TENM4: variants seen among roughly 807,000 people sequenced by gnomAD.
TENM4 encodes teneurin transmembrane protein 4.
TENM4 carries 82 observed loss-of-function variants against 243.3 expected under a neutral mutation model. That is an observed-to-expected ratio of 0.34 (90% CI 0.28 to 0.40). TENM4 has a LOEUF of 0.40. Among genes scored for constraint, TENM4 ranks in the 10% least tolerant of loss-of-function variants. The pLI is 1.00. For synonymous variants in TENM4, 1,412 were observed against 1,456.3 expected (o/e 0.97, Z 0.69); for missense variants, 3,138 against 3,673.3 (o/e 0.85, Z 3.77).
chr11:79,083,707 C>A (rs72933127), intron 4 of TENM4, among the ~76,000 whole-genome samples: 17,226 of 152,224 alleles, frequency 0.11, 1,082 homozygotes, highest in Middle Eastern at 0.24. Flanking sequence ...ACCTCACAAG[C>A]AAGCCAAAGA....
intron 2 of TENM4, among the ~76,000 whole-genome samples, chr11:79,236,374 T>G (rs1378321456): frequency 3.3e-5 from 5 of 152,226 alleles, no homozygotes; most frequent in Non-Finnish European, 7.3e-5. Context: ...CGCACAGCTA[T>G]TCTTTTTACT....
intron 4 of TENM4, chr11:79,093,150 A>G (rs1243536139): frequency 1.3e-5 from 2 of 152,206 alleles, no homozygotes; most frequent in Admixed American, 1.3e-4. Context: ...GCCCTGGGGC[A>G]ATGACTCATA....
chr11:78,936,901 G>C (rs1239733613), intron 6 of TENM4, among the ~76,000 whole-genome samples: 3 of 152,090 alleles, frequency 2.0e-5, no homozygotes, highest in Non-Finnish European at 4.4e-5. Flanking sequence ...TCACTTATAA[G>C]GGGGGTAAGG....
intron 6 of TENM4, among the ~76,000 whole-genome samples, chr11:78,962,582 A>C (rs1247795323): frequency 6.6e-6 from 1 of 152,062 alleles, no homozygotes; most frequent in East Asian, 1.9e-4. Flanking sequence ...GCTGGCAAAG[A>C]GGGAATCTCG....
intron 17 of TENM4, among the ~76,000 whole-genome samples, chr11:78,772,838 T>C (rs566183468): frequency 2.6e-5 from 4 of 152,226 alleles, no homozygotes; most frequent in South Asian, 2.1e-4. Context: ...CTCGGAGGGA[T>C]TCCTCCAGAA....
chr11:78,735,905 C>T (rs1448604200), intron 20 of TENM4, among the ~76,000 whole-genome samples: 2 of 144,996 alleles, frequency 1.4e-5, no homozygotes, highest in Non-Finnish European at 3.0e-5. Context: ...TTTCCTTTCC[C>T]CTTTTCTCCC....
chr11:79,434,984 G>A (rs1859242513), intron 1 of TENM4, among the ~76,000 whole-genome samples: 1 of 152,094 alleles, frequency 6.6e-6, no homozygotes, highest in African/African-American at 2.4e-5. Flanking sequence ...ATAACATTGG[G>A]GGTCTATGTA....
At chr11:79,368,971 AATG>A (rs1857728885) in intron 1 of TENM4, among the ~76,000 whole-genome samples, 1 of 152,198 alleles carries the variant, frequency 6.6e-6, no homozygotes, top group Non-Finnish European at 1.5e-5. Context: ...TGATTCCAGT[AATG>A]ATGAAGCTTT....
At chr11:78,932,472 C>T (rs555743663) in intron 6 of TENM4, among the ~76,000 whole-genome samples, 25 of 152,012 alleles carry the variant, frequency 1.6e-4, no homozygotes, top group Non-Finnish European at 3.1e-4. Flanking sequence ...GGAAGTGTTC[C>T]GAGAAGATCT....
At chr11:79,197,678 G>A (rs1863658259) in intron 3 of TENM4, among the ~76,000 whole-genome samples, 1 of 152,140 alleles carries the variant, frequency 6.6e-6, no homozygotes, top group African/African-American at 2.4e-5. Flanking sequence ...CTTTCCCCAA[G>A]TTATTTCTCC....
intron 6 of TENM4, among the ~76,000 whole-genome samples, chr11:78,950,244 A>G (rs966366781): frequency 2.5e-4 from 38 of 152,334 alleles, no homozygotes; most frequent in African/African-American, 8.9e-4. Flanking sequence ...ACAGGGCCCA[A>G]TAGAGGCATC....
chr11:78,789,640 G>A (rs1857013341), intron 15 of TENM4, among the ~76,000 whole-genome samples: 1 of 151,514 alleles, frequency 6.6e-6, no homozygotes, highest in South Asian at 2.1e-4. Context: ...TGGTGTGAAA[G>A]TAAACAGCAG....
intron 1 of TENM4, among the ~76,000 whole-genome samples, chr11:79,403,330 T>C (rs1243264102): frequency 2.0e-5 from 3 of 152,196 alleles, no homozygotes. Context: ...GAAACAATAA[T>C]CAGTTACATT....
In TENM4 at chr11:78,871,844, G is replaced by A. The variant is rs77959357; in HGVS notation, c.1085-8712C>T. ...CCCCCCCAGAACCTGGTCCAAAGGG[G>A]TGAAGAAGAAAGCAAGGAAAGGAAG... is the stretch of plus-strand genomic sequence containing the variant. On this transcript the variant is annotated intron_variant, in intron 9 of 33. Coordinates refer to ENST00000278550, the MANE Select transcript of TENM4 (RefSeq NM_001098816.3). Among the ~76,000 whole-genome samples, 402 of 152,282 alleles carry A rather than the reference G, an allele frequency of 2.6e-3. 3 individuals carry two copies. Among genetic ancestry groups the A allele is most frequent in the African/African-American group, 8.4e-3 (349 of 41,552 alleles).
At chr11:79,408,831 C>G (rs577712768) in intron 1 of TENM4, among the ~76,000 whole-genome samples, 134 of 152,250 alleles carry the variant, frequency 8.8e-4, no homozygotes, top group African/African-American at 3.0e-3. Flanking sequence ...CAGCTCTTTT[C>G]CCAGCACCCA....
chr11:78,839,582 C>G (rs1368065755), intron 12 of TENM4, among the ~76,000 whole-genome samples: 1 of 152,022 alleles, frequency 6.6e-6, no homozygotes, highest in Non-Finnish European at 1.5e-5. Context: ...ACACACCCTT[C>G]ACAAATAACG....
intron 14 of TENM4, among the ~76,000 whole-genome samples, chr11:78,807,817 C>CA (rs1309609570): frequency 1.3e-5 from 2 of 152,162 alleles, no homozygotes; most frequent in Non-Finnish European, 2.9e-5. Context: ...CATTTGGCCT[C>CA]AAGGGTCAAG....
intron 1 of TENM4, among the ~76,000 whole-genome samples, chr11:79,388,399 A>G (rs1410881792): frequency 6.6e-6 from 1 of 152,230 alleles, no homozygotes; most frequent in East Asian, 1.9e-4. Flanking sequence ...AAGGGAAACC[A>G]CTTTGTTGCT....
At chr11:79,150,349 G>A (rs557903157) in intron 3 of TENM4, among the ~76,000 whole-genome samples, 2 of 152,230 alleles carry the variant, frequency 1.3e-5, no homozygotes, top group South Asian at 2.1e-4. Context: ...TCTTGCAGGG[G>A]AGAGTGATGT....
Sources: gnomAD v4.1 joint callset for allele counts (sites outside exome capture counted in the v4.1 genomes callset) on GRCh38, gnomAD v4.1.1 for gene constraint, MANE v1.5 for transcripts, NCBI Gene and HGNC (gene_info 2026-07-23, HGNC 2026-07-21) for gene names.